Variants in GFI1B observed in about 807,000 individuals in gnomAD.
GFI1B encodes the protein growth factor independent 1B transcriptional repressor.
In GFI1B, 20 loss-of-function variants were observed where a neutral mutation model predicts 35.3. That is an observed-to-expected ratio of 0.57 (90% confidence interval 0.40 to 0.82). The LOEUF is 0.82. GFI1B is among the 40% of genes least tolerant of loss of function. The pLI is 0.00. For missense variants in GFI1B, 430 were observed against 446.3 expected (o/e 0.96, Z 0.33); for synonymous variants, 178 against 177.6 (o/e 1.00, Z -0.02).
intron 1 of GFI1B, among the ~76,000 whole-genome samples, chr9:132,954,237 C>G (rs867901853): frequency 6.6e-6 from 1 of 151,942 alleles, no homozygotes; most frequent in Non-Finnish European, 1.5e-5. Flanking sequence ...ACTACAGGCA[C>G]GTGCACCACC....
chr9:132,989,047 G>A lies in GFI1B; in HGVS notation c.511-14G>A. On this transcript the variant is annotated splice_polypyrimidine_tract_variant and intron_variant, in intron 4 of 6. Coordinates refer to ENST00000372122, the MANE Select transcript of GFI1B (RefSeq NM_001377304.1). The surrounding 1 kb of genome is among the most constrained non-coding windows in gnomAD (Gnocchi z 6.2). Reference sequence around the variant, plus strand: ...GCAGCCCCCAGTGGCCTCACATGCTGCCCCTGCTCCCAGGTCTTCTCCACC... The same window carrying A: ...GCAGCCCCCAGTGGCCTCACATGCTACCCCTGCTCCCAGGTCTTCTCCACC... 2 of 1,613,722 alleles carry A rather than the reference G, an allele frequency of 1.2e-6. No homozygotes were observed. Among genetic ancestry groups the A allele is most frequent in the South Asian group, 2.2e-5 (2 of 91,072 alleles).
upstream of GFI1B, among the ~76,000 whole-genome samples, chr9:132,974,641 A>G (rs1356866709): frequency 6.8e-6 from 1 of 147,462 alleles, no homozygotes; most frequent in Non-Finnish European, 1.5e-5. Flanking sequence ...CAAGCAAGAT[A>G]TTTTCAGATA....
intron 1 of GFI1B, among the ~76,000 whole-genome samples, chr9:132,957,935 G>T (rs903019570): frequency 6.6e-6 from 1 of 152,166 alleles, no homozygotes; most frequent in African/African-American, 2.4e-5. Flanking sequence ...TTTACCTTCA[G>T]AATAATCCTA....
chr9:132,958,612 C>G (rs1364591584), intron 1 of GFI1B, among the ~76,000 whole-genome samples: 2 of 152,174 alleles, frequency 1.3e-5, no homozygotes, highest in Non-Finnish European at 2.9e-5. Flanking sequence ...TAATCACCTC[C>G]CACCAGACCC....
intron 1 of GFI1B, among the ~76,000 whole-genome samples, chr9:132,964,066 C>A (rs1848411545): frequency 6.6e-6 from 1 of 152,238 alleles, no homozygotes; most frequent in East Asian, 1.9e-4. Context: ...CATGGTGAAA[C>A]CCCATCTCTA....
chr9:132,971,660 C>A (rs567165428), intron 1 of GFI1B, among the ~76,000 whole-genome samples: 1 of 152,184 alleles, frequency 6.6e-6, no homozygotes. Context: ...GAGAAAGAAA[C>A]AAGAAAAATA....
chr9:132,987,549 G>A (rs533913489), intron 3 of GFI1B, 130 bp downstream of exon 3: 18 of 1,042,416 alleles, frequency 1.7e-5, no homozygotes, highest in Middle Eastern at 5.9e-4. Flanking sequence ...GATGCAGCCC[G>A]GGCTCTGTGG....
chr9:132,990,778 T>C, intron 6 of GFI1B, 94 bp from the exon 7 acceptor site: 2 of 1,096,548 alleles, frequency 1.8e-6, no homozygotes, highest in South Asian at 1.3e-5. Context: ...AGGAAGGTAT[T>C]GGAAAATGAA....
intron 1 of GFI1B, among the ~76,000 whole-genome samples, chr9:132,957,539 G>A (rs938023115): frequency 2.6e-5 from 4 of 152,222 alleles, no homozygotes; most frequent in Non-Finnish European, 5.9e-5. Flanking sequence ...GTGAACAAGA[G>A]AGAGTCCCCA....
chr9:132,948,357 T>C (rs1406055933), intron 1 of GFI1B, among the ~76,000 whole-genome samples: 2 of 152,182 alleles, frequency 1.3e-5, no homozygotes, highest in Non-Finnish European at 2.9e-5. Context: ...TGCTATCTCC[T>C]GCATTTCCGG....
upstream of GFI1B, among the ~76,000 whole-genome samples, chr9:132,977,726 G>A (rs752034879): frequency 3.3e-5 from 5 of 152,090 alleles, no homozygotes; most frequent in Non-Finnish European, 7.4e-5. Context: ...GGGAAGAAAT[G>A]CCCCAGCCAG....
At chr9:132,950,141 A>T (rs1848178676) in intron 1 of GFI1B, among the ~76,000 whole-genome samples, 2 of 152,024 alleles carry the variant, frequency 1.3e-5, no homozygotes, top group Admixed American at 6.6e-5. Context: ...ACACACACAA[A>T]TTCTACTTTT....
At chr9:132,975,095 T>G (rs939745125), upstream of GFI1B, 1 of 152,210 alleles carries the variant, frequency 6.6e-6, no homozygotes. Context: ...CCCCATCTTT[T>G]TGAAACTTCC....
At chr9:132,981,670 G>A (rs1433339536) in intron 1 of GFI1B, among the ~76,000 whole-genome samples, 3 of 151,938 alleles carry the variant, frequency 2.0e-5, no homozygotes, top group Non-Finnish European at 2.9e-5. Flanking sequence ...TGATGATGAT[G>A]ATGATTACTT....
chr9:132,950,968 G>A (rs1248904659), intron 1 of GFI1B, among the ~76,000 whole-genome samples: 1 of 151,954 alleles, frequency 6.6e-6, no homozygotes, highest in Non-Finnish European at 1.5e-5. Context: ...CTCCTGTGTA[G>A]CTGGGACCAC....
Position 132,985,655 on chromosome 9 carries a change from C to T in GFI1B, c.-20-1004C>T, listed in dbSNP as rs2132638237. Among the ~76,000 whole-genome samples the T allele has an allele frequency of 2.0e-5, 3 of 152,284 alleles. No homozygotes were observed. In the South Asian group the frequency reaches 6.2e-4, roughly 32 times the overall value. On this transcript the variant is annotated intron_variant, in intron 1 of 6. Coordinates refer to ENST00000372122, the MANE Select transcript of GFI1B (RefSeq NM_001377304.1). ...ATTGGCAATGTCCCCTCGTTTGCTG[C>T]AGCTTCTCTGCCAGAGCCCCCAGTG...
chr9:132,979,711 A>G (rs190087979), intron 1 of GFI1B, among the ~76,000 whole-genome samples: 3 of 152,174 alleles, frequency 2.0e-5, no homozygotes, highest in Non-Finnish European at 1.5e-5. Flanking sequence ...AGCCCTTTCC[A>G]CCTATTTTTG....
chr9:132,981,893 C>T (rs1848834477), intron 1 of GFI1B, among the ~76,000 whole-genome samples: 1 of 152,144 alleles, frequency 6.6e-6, no homozygotes, highest in African/African-American at 2.4e-5. Context: ...GCTGGGATTA[C>T]AGGTGCCTGC....
intron 4 of GFI1B, among the ~76,000 whole-genome samples, chr9:132,988,837 C>T (rs572322908): frequency 2.6e-4 from 39 of 152,294 alleles, no homozygotes; most frequent in Non-Finnish European, 5.3e-4. Context: ...GCCTCCAGAT[C>T]CCCTCTCTCA....
Sources: gnomAD v4.1 joint callset for allele counts (sites outside exome capture counted in the v4.1 genomes callset) on GRCh38, gnomAD v4.1.1 for gene constraint, Gnocchi (gnomAD v3.1) non-coding constraint, MANE v1.5 for transcripts, NCBI Gene and HGNC (gene_info 2026-07-23, HGNC 2026-07-21) for gene names.